CDH4: variants seen among roughly 807,000 people sequenced by gnomAD.
The protein encoded by CDH4 is cadherin 4.
Under a neutral mutation model 86.0 loss-of-function variants are expected in CDH4, and 33 were observed. The observed-to-expected ratio is 0.38, with a 90% CI of 0.29 to 0.51. The LOEUF is 0.51. Ranked by LOEUF, CDH4 falls within the 20% of genes least tolerant of loss-of-function variation. The probability of loss-of-function intolerance (pLI) is 0.86; values close to 1 mark genes in which losing one functional copy is unlikely to be tolerated. For missense variants in CDH4, 1,114 were observed against 1,307.4 expected (o/e 0.85, Z 2.28); for synonymous variants, 555 against 549.4 (o/e 1.01, Z -0.14).
chr20:61,596,535 G>A (rs2086558705), intron 2 of CDH4, among the ~76,000 whole-genome samples: 1 of 152,212 alleles, frequency 6.6e-6, no homozygotes, highest in South Asian at 2.1e-4. Context: ...GGTCCCCAAT[G>A]TCTGTAAGAA....
intron 2 of CDH4, among the ~76,000 whole-genome samples, chr20:61,625,731 C>G (rs1170526989): frequency 6.6e-6 from 1 of 152,170 alleles, no homozygotes; most frequent in Non-Finnish European, 1.5e-5. Flanking sequence ...GTAACAGACC[C>G]AAGAGTTACC....
At chr20:61,282,296 T>G (rs1600830974) in intron 2 of CDH4, among the ~76,000 whole-genome samples, 1 of 151,836 alleles carries the variant, frequency 6.6e-6, no homozygotes, top group African/African-American at 2.4e-5. Context: ...AAGACGGAGG[T>G]TTCAGTGAGC....
rs1457613687 is a variant in CDH4 at position 61,929,820 on chromosome 20, C to T, written c.2217C>T (p.Leu739=). The T allele has an allele frequency of 6.2e-7, 1 of 1,613,924 alleles. No individual in the cohort carries two copies. Among genetic ancestry groups the T allele is most frequent in the East Asian group, 2.2e-5 (1 of 44,886 alleles). ...GCACCGGTGCCATCGTGGCCATCCTCATCTGCATCCTCATCCTGCTGAGTG... is the reference window on the plus strand; with the variant it reads ...GCACCGGTGCCATCGTGGCCATCCTTATCTGCATCCTCATCCTGCTGAGTG... ...GLGTGAIVAI[L]ICILILLTMV... The change falls in exon 13 of 16, where the codon CTC becomes CTT. Residue 739 remains leucine, a synonymous_variant. Coordinates refer to ENST00000614565, the MANE Select transcript of CDH4 (RefSeq NM_001794.5).
rs200972896 is a variant in CDH4, at chr20:61,718,987, A to G, written c.170-24576A>G. On this transcript the variant is annotated intron_variant, in intron 2 of 15. Coordinates refer to ENST00000614565, the MANE Select transcript of CDH4 (RefSeq NM_001794.5). ...CGCCCTGCCCCCTGCCCTGCACCAG[A>G]TGAAAGAGCACACTCAGCATCACGA... 1.9e-4 allele frequency: 90 copies of G among 471,140 alleles called. 1 individual carries two copies. Among genetic ancestry groups the G allele is most frequent in the Non-Finnish European group, 6.6e-5 (15 of 227,106 alleles). 29.2% of individuals were successfully genotyped at this position (471,140 alleles called of 1,614,324 possible).
chr20:61,289,638 C>T (rs1389943430), intron 2 of CDH4, among the ~76,000 whole-genome samples: 1 of 152,244 alleles, frequency 6.6e-6, no homozygotes. Flanking sequence ...TCATGGAAAA[C>T]AGCATATGAC....
chr20:61,689,902 G>A (rs920641125), intron 2 of CDH4, among the ~76,000 whole-genome samples: 3 of 148,932 alleles, frequency 2.0e-5, no homozygotes, highest in African/African-American at 7.7e-5. Context: ...AGGTGATGTG[G>A]AATTGAGCTG....
intron 2 of CDH4, among the ~76,000 whole-genome samples, chr20:61,304,213 C>G (rs1314057235): frequency 2.6e-5 from 4 of 152,032 alleles, no homozygotes; most frequent in Admixed American, 2.6e-4. Context: ...GCCCATCCTC[C>G]GAACGCAGTT....
chr20:61,624,082 A>G (rs1471676305), intron 2 of CDH4, among the ~76,000 whole-genome samples: 1 of 152,136 alleles, frequency 6.6e-6, no homozygotes, highest in Non-Finnish European at 1.5e-5. Flanking sequence ...CTGGAGCTGC[A>G]TTTCCTCATC....
intron 2 of CDH4, among the ~76,000 whole-genome samples, chr20:61,568,916 C>T (rs2086321277): frequency 6.6e-6 from 1 of 152,198 alleles, no homozygotes; most frequent in Non-Finnish European, 1.5e-5. Context: ...CTTTTCTGCT[C>T]AGTCAAAGGT....
At chr20:61,360,116 T>C (rs2084775753) in intron 2 of CDH4, among the ~76,000 whole-genome samples, 1 of 152,186 alleles carries the variant, frequency 6.6e-6, no homozygotes, top group Admixed American at 6.5e-5. Context: ...GTCTGCATGT[T>C]CTCGGCATCT....
chr20:61,599,210 C>T (rs2145742077), intron 2 of CDH4, among the ~76,000 whole-genome samples: 1 of 152,324 alleles, frequency 6.6e-6, no homozygotes, highest in Middle Eastern at 3.4e-3. Context: ...CACTCCCACC[C>T]CGCCCTGCCA....
intron 2 of CDH4, among the ~76,000 whole-genome samples, chr20:61,262,076 T>G: frequency 6.6e-6 from 1 of 152,232 alleles, no homozygotes; most frequent in South Asian, 2.1e-4. Flanking sequence ...ACGTTCCATC[T>G]GAGCTGGGTT....
chr20:61,908,582 A>G (rs1162570353), intron 8 of CDH4, among the ~76,000 whole-genome samples: 1 of 152,174 alleles, frequency 6.6e-6, no homozygotes, highest in Non-Finnish European at 1.5e-5. Context: ...CCTGTGGCAG[A>G]CGCGGTCTGC....
rs1435885491 is a variant in CDH4 at position 61,663,264 on chromosome 20, C to A, written c.170-80299C>A. Among the ~76,000 whole-genome samples, 4 of 152,196 alleles carry A rather than the reference C, an allele frequency of 2.6e-5. No homozygotes were observed. Among genetic ancestry groups the A allele is most frequent in the Non-Finnish European group, 4.4e-5 (3 of 68,040 alleles). On this transcript the variant is annotated intron_variant, in intron 2 of 15. Coordinates refer to ENST00000614565, the MANE Select transcript of CDH4 (RefSeq NM_001794.5). The surrounding 1 kb of genome is among the most constrained non-coding windows in gnomAD (Gnocchi z 5.0). ...AGGAGCTTTCATCGAGGGCTTGGCG[C>A]CCACGACAAATGAGTCCACGCAGGA...
In CDH4 at chr20:61,718,865, G is replaced by A. The variant is rs571887709; in HGVS notation, c.170-24698G>A. ...CTCTATCTTGGACTTCACTGTTCCT[G>A]CTGTCAGGCTGGGGATGGAACTCTC... is the stretch of plus-strand genomic sequence containing the variant. On this transcript the variant is annotated intron_variant, in intron 2 of 15. Coordinates refer to ENST00000614565, the MANE Select transcript of CDH4 (RefSeq NM_001794.5). The A allele has an allele frequency of 2.9e-4, 136 of 471,164 alleles. 1 individual carries two copies. Among genetic ancestry groups the A allele is most frequent in the African/African-American group, 2.5e-3 (127 of 50,190 alleles). 29.2% of individuals were successfully genotyped at this position (471,164 alleles called of 1,614,324 possible).
intron 2 of CDH4, among the ~76,000 whole-genome samples, chr20:61,441,888 A>G (rs2085316569): frequency 6.6e-6 from 1 of 152,192 alleles, no homozygotes; most frequent in South Asian, 2.1e-4. Flanking sequence ...TGCAGGTGGC[A>G]CGGCACGTTC....
Position 61,928,412 on chromosome 20 carries a change from C to A in CDH4, c.1994C>A (p.Thr665Asn). The change falls in exon 12 of 16, where the codon ACC becomes AAC. Residue 665 changes from threonine (T) to asparagine (N), a missense_variant. This residue lies in a region of CDH4 where 705 missense variants were observed against 914.1 expected (regional missense o/e 0.77). Coordinates refer to ENST00000614565, the MANE Select transcript of CDH4 (RefSeq NM_001794.5). ...PAAVRKNWTI[T>N]RLNGDYAQLS... ...GCCGTGCGGAAGAACTGGACCATCA[C>A]CCGCCTGAACGGTGAGCCCGCCTTA... The A allele has an allele frequency of 6.2e-7, 1 of 1,611,826 alleles. No individual in the cohort carries two copies. Among genetic ancestry groups the A allele is most frequent in the Admixed American group, 1.7e-5 (1 of 60,020 alleles).
intron 2 of CDH4, among the ~76,000 whole-genome samples, chr20:61,274,709 G>A (rs1345967258): frequency 7.0e-6 from 1 of 143,860 alleles, no homozygotes; most frequent in African/African-American, 2.6e-5. Context: ...TGGGCAGTTT[G>A]GGGGAGTACT....
intron 2 of CDH4, among the ~76,000 whole-genome samples, chr20:61,710,492 G>A (rs1192770149): frequency 3.3e-5 from 5 of 152,206 alleles, no homozygotes; most frequent in South Asian, 2.1e-4. Flanking sequence ...TCAGATGCAC[G>A]TTCCCACTTC....
Sources: gnomAD v4.1 joint callset for allele counts (sites outside exome capture counted in the v4.1 genomes callset) on GRCh38, gnomAD v4.1.1 for gene constraint, gnomAD v4.1.1 regional missense constraint, Gnocchi (gnomAD v3.1) non-coding constraint, MANE v1.5 for transcripts, NCBI Gene and HGNC (gene_info 2026-07-23, HGNC 2026-07-21) for gene names.